The following AGBL1 variants were observed in gnomAD, a reference collection of about 807,000 sequenced individuals.
AGBL1 encodes the protein cytosolic carboxypeptidase 4.
In AGBL1, 130 loss-of-function variants were observed where a neutral mutation model predicts 118.9. That is an observed-to-expected ratio of 1.09 (90% CI 0.95 to 1.26). The LOEUF (loss-of-function observed/expected upper bound fraction) is 1.26. AGBL1 is among the 50% of genes most tolerant of loss of function. The probability of loss-of-function intolerance (pLI) is 0.00; values close to 1 mark genes in which losing one functional copy is unlikely to be tolerated. For missense variants in AGBL1, 1,584 were observed against 1,298.1 expected (o/e 1.22, Z -3.38); for synonymous variants, 555 against 478.9 (o/e 1.16, Z -2.08).
At position 86,402,619 on chromosome 15, in the gene AGBL1, C is replaced by T. The variant is rs572352700; in HGVS notation, c.2555+5073C>T. ...AGAGAACCAAAACCTGAACTTGGCA[C>T]TTAGCCTACAAGGCTTTACTTCTCT... On this transcript the variant is annotated intron_variant, in intron 18 of 22. Coordinates refer to ENST00000614907, the MANE Select transcript of AGBL1 (RefSeq NM_001386094.1). Among the ~76,000 whole-genome samples, 6 of 152,266 alleles carry T rather than the reference C, an allele frequency of 3.9e-5. No individual in the cohort carries two copies. The South Asian group carries it at 1.0e-3, about 26-fold the overall frequency.
intron 5 of AGBL1, among the ~76,000 whole-genome samples, chr15:86,223,330 T>C (rs2078308067): frequency 6.6e-6 from 1 of 152,156 alleles, no homozygotes; most frequent in Admixed American, 6.5e-5. Flanking sequence ...CCTTATTCTA[T>C]TCCTGTTTCT....
chr15:86,833,426 G>A (rs759934519), intron 22 of AGBL1, among the ~76,000 whole-genome samples: 1 of 152,084 alleles, frequency 6.6e-6, no homozygotes, highest in Non-Finnish European at 1.5e-5. Flanking sequence ...TGGTGAGTAA[G>A]TCTCAGAAGA....
At chr15:86,424,779 A>C (rs1339021562) in intron 18 of AGBL1, among the ~76,000 whole-genome samples, 1 of 152,264 alleles carries the variant, frequency 6.6e-6, no homozygotes, top group Non-Finnish European at 1.5e-5. Context: ...GCCAACAAAC[A>C]TATGAAGAAA....
chr15:86,691,250 T>G (rs1018284943), intron 22 of AGBL1, among the ~76,000 whole-genome samples: 3 of 152,292 alleles, frequency 2.0e-5, no homozygotes, highest in African/African-American at 7.2e-5. Flanking sequence ...AGGCTAATTA[T>G]AAAATATTCT....
intron 23 of AGBL1, among the ~76,000 whole-genome samples, chr15:86,940,110 T>A (rs943796431): frequency 7.2e-6 from 1 of 139,396 alleles, no homozygotes; most frequent in African/African-American, 2.7e-5. Context: ...GGTTTCTCTG[T>A]GTTGCTCAGC....
chr15:86,237,350 C>T (rs979748829), intron 6 of AGBL1, among the ~76,000 whole-genome samples: 14 of 152,128 alleles, frequency 9.2e-5, no homozygotes, highest in Admixed American at 8.5e-4. Flanking sequence ...ATGCTTGCAA[C>T]GCAGGGCAGA....
At chr15:86,412,057 C>A (rs74954535) in intron 18 of AGBL1, among the ~76,000 whole-genome samples, 1 of 152,198 alleles carries the variant, frequency 6.6e-6, no homozygotes, top group Non-Finnish European at 1.5e-5. Flanking sequence ...TCTTTGTCAG[C>A]AGCTCAATGT....
intron 17 of AGBL1, chr15:86,297,037 A>G (rs1330440838): frequency 6.6e-6 from 1 of 152,174 alleles, no homozygotes; most frequent in East Asian, 1.9e-4. Context: ...TGAAACATGC[A>G]AAGGCCCTTA....
intron 19 of AGBL1, among the ~76,000 whole-genome samples, chr15:86,543,634 A>G (rs907828512): frequency 2.0e-5 from 3 of 152,218 alleles, no homozygotes; most frequent in African/African-American, 7.2e-5. Context: ...AGATACAGGA[A>G]AAATAAGTAC....
In AGBL1 at chr15:86,264,807, C is replaced by T; in HGVS notation, c.1636C>T (p.Pro546Ser). Residue 546 changes from proline to serine, a missense_variant, in exon 11 of 23, where the codon CCT becomes TCT. Pro to Ser is a moderately conservative substitution (Grantham distance 74). Transcript: ENST00000614907. The part of the protein sequence containing the change: ...WGHCPPPTTQ[P>S]MLERKCGVQR... ...ACACTGTCCCCCTCCCACCACCCAG[C>T]CTATGTTGGAACGAAAATGTGGAGT... 6.2e-7 allele frequency: 1 copy of T among 1,610,080 alleles called. No individual in the cohort carries two copies. Among genetic ancestry groups the T allele is most frequent in the Non-Finnish European group, 8.5e-7 (1 of 1,178,528 alleles).
chr15:86,494,648 C>G (rs546310384), intron 18 of AGBL1, among the ~76,000 whole-genome samples: 1 of 152,182 alleles, frequency 6.6e-6, no homozygotes, highest in Non-Finnish European at 1.5e-5. Flanking sequence ...AGTTTATTTA[C>G]TTTTGTTTAA....
At chr15:86,927,357 G>A (rs1451119643) in intron 23 of AGBL1, among the ~76,000 whole-genome samples, 1 of 151,530 alleles carries the variant, frequency 6.6e-6, no homozygotes, top group East Asian at 1.9e-4. Flanking sequence ...GGGAGGCTGA[G>A]GTGGGAGGAT....
At chr15:86,724,961 C>T (rs1363594080) in intron 22 of AGBL1, among the ~76,000 whole-genome samples, 1 of 152,126 alleles carries the variant, frequency 6.6e-6, no homozygotes, top group Non-Finnish European at 1.5e-5. Flanking sequence ...CCAATTAAAC[C>T]TTGTTTCTTT....
chr15:86,689,888 G>T (rs1488879609), intron 22 of AGBL1, among the ~76,000 whole-genome samples: 1 of 152,120 alleles, frequency 6.6e-6, no homozygotes, highest in Non-Finnish European at 1.5e-5. Context: ...TGCCACCTTG[G>T]AAGAGTACAC....
intron 3 of AGBL1, among the ~76,000 whole-genome samples, chr15:86,150,943 G>A (rs112365763): frequency 0.029 from 4,461 of 152,154 alleles, 229 homozygotes; most frequent in African/African-American, 0.1. Flanking sequence ...AAAAAATGTG[G>A]CACATATACA....
At chr15:86,542,070 G>A (rs2083505692) in intron 19 of AGBL1, among the ~76,000 whole-genome samples, 1 of 152,316 alleles carries the variant, frequency 6.6e-6, no homozygotes, top group Admixed American at 6.5e-5. Flanking sequence ...TGCGCAGCTG[G>A]AAGTGGATCT....
chr15:86,854,262 C>T (rs142262768), intron 22 of AGBL1, among the ~76,000 whole-genome samples: 68 of 152,266 alleles, frequency 4.5e-4, no homozygotes, highest in African/African-American at 1.5e-3. Flanking sequence ...TACAGGCCAG[C>T]GTAACTCAGA....
chr15:86,521,506 A>G (rs1160976635), intron 18 of AGBL1, among the ~76,000 whole-genome samples: 2 of 152,194 alleles, frequency 1.3e-5, no homozygotes, highest in Admixed American at 6.5e-5. Flanking sequence ...AAATGGTTTT[A>G]TAAGGACTCT....
chr15:86,528,707 T>A (rs1596229871), intron 19 of AGBL1, among the ~76,000 whole-genome samples: 1 of 100,464 alleles, frequency 1.0e-5, no homozygotes, highest in East Asian at 3.0e-4. Context: ...TAAATGTCCC[T>A]GTCTGACAGC....
Sources: gnomAD v4.1 joint callset for allele counts (sites outside exome capture counted in the v4.1 genomes callset) on GRCh38, gnomAD v4.1.1 for gene constraint, MANE v1.5 for transcripts, NCBI Gene and HGNC (gene_info 2026-07-23, HGNC 2026-07-21) for gene names.